Variants in ABHD12 observed in about 807,000 individuals in gnomAD.
The protein encoded by ABHD12 is abhydrolase domain containing 12, lysophospholipase.
ABHD12 carries 43 observed loss-of-function variants against 58.3 expected under a neutral mutation model. The observed-to-expected ratio is 0.74, with a 90% CI of 0.58 to 0.95. The LOEUF (loss-of-function observed/expected upper bound fraction) is 0.95. Among genes scored for constraint, ABHD12 ranks in the 40% least tolerant of loss-of-function variants. The probability of loss-of-function intolerance (pLI) is 0.00; values close to 1 mark genes in which losing one functional copy is unlikely to be tolerated. For missense variants in ABHD12, 539 were observed against 537.2 expected (o/e 1.00, Z -0.03); for synonymous variants, 219 against 211.2 (o/e 1.04, Z -0.32).
At chr20:25,312,716 T>A (rs1347960788) in intron 6 of ABHD12, among the ~76,000 whole-genome samples, 1 of 123,446 alleles carries the variant, frequency 8.1e-6, no homozygotes, top group Non-Finnish European at 1.7e-5. Context: ...CCGGCCGCCA[T>A]CCCATCTAGG....
intron 2 of ABHD12, among the ~76,000 whole-genome samples, chr20:25,329,955 A>C (rs958694959): frequency 2.6e-5 from 4 of 152,336 alleles, no homozygotes; most frequent in South Asian, 2.1e-4. Context: ...GTGTTGAGGG[A>C]GGAGCCAAGA....
chr20:25,328,197 A>G lies in ABHD12; in HGVS notation c.317-4767T>C, dbSNP rs183186403. The stretch of plus-strand genomic sequence containing the variant: ...GGCTCCCGACCAGAGGAATGCCTGG[A>G]AAGTGGGTCCACTTCAGGATCTGGA... On this transcript the variant is annotated intron_variant, in intron 2 of 12. Coordinates refer to ENST00000339157, the MANE Select transcript of ABHD12 (RefSeq NM_001042472.3). Among the ~76,000 whole-genome samples the G allele has an allele frequency of 6.5e-3, 988 of 152,234 alleles. 7 individuals are homozygous for G. The highest frequency in any genetic ancestry group is 0.011 in the Non-Finnish European group (780 of 68,026).
rs1033995755 is a variant in ABHD12, at chr20:25,390,658, C to T, written c.46G>A (p.Ala16Thr). Residue 16 changes from alanine (A) to threonine (T), a missense_variant, in exon 1 of 13, where the codon GCC becomes ACC. Coordinates refer to ENST00000339157, the MANE Select transcript of ABHD12 (RefSeq NM_001042472.3). ...EPVALEHERC[A>T]AAGSSSSGSA... Reference sequence around the variant, plus strand: ...CCGGAGGAGGACGAGCCCGCGGCGGCGCAGCGCTCATGCTCCAAGGCGACG... The same window carrying T: ...CCGGAGGAGGACGAGCCCGCGGCGGTGCAGCGCTCATGCTCCAAGGCGACG... 1 of 1,440,410 alleles carries T rather than the reference C, an allele frequency of 6.9e-7. No individual in the cohort carries two copies. Among genetic ancestry groups the T allele is most frequent in the Non-Finnish European group, 9.1e-7 (1 of 1,100,608 alleles). 89.2% of individuals were successfully genotyped at this position (1,440,410 alleles called of 1,614,324 possible).
Position 25,339,320 on chromosome 20 carries a change from T to A in ABHD12, c.223A>T (p.Ile75Leu). 1.2e-6 allele frequency: 2 copies of A among 1,614,138 alleles called. No individual in the cohort carries two copies. The highest frequency in any genetic ancestry group is 1.7e-6 in the Non-Finnish European group (2 of 1,180,036). The stretch of plus-strand genomic sequence containing the variant: ...TACAACCCCAAAACACAGAAAAGTA[T>A]CTTCCTCAGGCGCAACCACACGCCC... ...RKGVWLRLRKILFCVLGLYIA... is the reference protein window; with the variant it reads ...RKGVWLRLRKLLFCVLGLYIA... Residue 75 changes from isoleucine to leucine, a missense_variant, in exon 2 of 13, where the codon ATA (isoleucine) becomes TTA (leucine). Coordinates refer to ENST00000339157, the MANE Select transcript of ABHD12 (RefSeq NM_001042472.3).
chr20:25,388,521 G>C (rs954531467), intron 1 of ABHD12, among the ~76,000 whole-genome samples: 1 of 152,184 alleles, frequency 6.6e-6, no homozygotes, highest in African/African-American at 2.4e-5. Flanking sequence ...GCCTGAGCGA[G>C]GAAGAGAAGA....
At chr20:25,343,948 T>C (rs1234811017) in intron 1 of ABHD12, among the ~76,000 whole-genome samples, 1 of 152,182 alleles carries the variant, frequency 6.6e-6, no homozygotes, top group East Asian at 1.9e-4. Context: ...GTCCCAGGTA[T>C]GCAAGGCTAG....
In ABHD12 at chr20:25,339,171, A is replaced by G; in HGVS notation, c.316+56T>C. ...AAGACTACCCCTAAAATCAGACATCACCATGAAAATGAACCCTTACTAAAA... is the reference window on the plus strand; with the variant it reads ...AAGACTACCCCTAAAATCAGACATCGCCATGAAAATGAACCCTTACTAAAA... On this transcript the variant is annotated intron_variant, in intron 2 of 12. Coordinates refer to ENST00000339157, the MANE Select transcript of ABHD12 (RefSeq NM_001042472.3). The G allele has an allele frequency of 1.9e-6, 3 of 1,607,988 alleles. No individual in the cohort carries two copies. The Admixed American group carries it at 5.0e-5, about 27-fold the overall frequency.
intron 6 of ABHD12, among the ~76,000 whole-genome samples, chr20:25,314,480 C>T (rs2088922801): frequency 6.6e-6 from 1 of 152,012 alleles, no homozygotes; most frequent in Non-Finnish European, 1.5e-5. Flanking sequence ...GAGTCTGAGA[C>T]TAGCCTAGGC....
downstream of ABHD12, chr20:25,295,763 T>C (rs1180012531): frequency 7.1e-7 from 1 of 1,408,900 alleles, no homozygotes; most frequent in Non-Finnish European, 1.0e-6. Flanking sequence ...GCTGAGTAGA[T>C]TCTTGGCCTG....
chr20:25,368,356 A>G lies in ABHD12; in HGVS notation c.191+22157T>C, dbSNP rs2089852472. On this transcript the variant is annotated intron_variant, in intron 1 of 12. Transcript: ENST00000339157. ...AACCACAGCGCTCCATGGCCTCCACAATATTCTTGCCTTCTTTCGCCTTGC... is the reference window on the plus strand; with the variant it reads ...AACCACAGCGCTCCATGGCCTCCACGATATTCTTGCCTTCTTTCGCCTTGC... 5 of 1,558,866 alleles carry G rather than the reference A, an allele frequency of 3.2e-6. No individual in the cohort carries two copies. In the Admixed American group the frequency reaches 5.0e-5, roughly 16 times the overall value.
chr20:25,370,716 C>T (rs530416569), intron 1 of ABHD12, among the ~76,000 whole-genome samples: 2 of 152,074 alleles, frequency 1.3e-5, no homozygotes, highest in Non-Finnish European at 2.9e-5. Flanking sequence ...GTGAAGAGGG[C>T]GACCCACCAA....
intron 1 of ABHD12, among the ~76,000 whole-genome samples, chr20:25,350,990 CACACACACACACACACA>C (rs2089592282): frequency 6.8e-6 from 1 of 147,526 alleles, no homozygotes; most frequent in Non-Finnish European, 1.5e-5. Flanking sequence ...CACACACACA[CACACACACACACACACA>C]CACCCTTATT....
At chr20:25,296,069 C>T (rs563719732), downstream of ABHD12, among the ~76,000 whole-genome samples, 4 of 152,290 alleles carry the variant, frequency 2.6e-5, no homozygotes, top group East Asian at 5.8e-4. Flanking sequence ...CTGGATCTGC[C>T]TGGGCAGTTC....
intron 1 of ABHD12, among the ~76,000 whole-genome samples, chr20:25,386,773 C>A (rs539204120): frequency 4.0e-5 from 6 of 151,780 alleles, no homozygotes; most frequent in African/African-American, 1.4e-4. Context: ...CCCAGCTACC[C>A]GGGAGGCTGA....
intron 1 of ABHD12, among the ~76,000 whole-genome samples, chr20:25,389,228 A>T (rs2090136875): frequency 6.6e-6 from 1 of 152,268 alleles, no homozygotes; most frequent in Admixed American, 6.5e-5. Context: ...CATAGCAAAG[A>T]GAACAGATTA....
intron 1 of ABHD12, among the ~76,000 whole-genome samples, chr20:25,388,788 T>C (rs1316993161): frequency 1.4e-3 from 49 of 35,288 alleles, no homozygotes; most frequent in Middle Eastern, 0.029. Flanking sequence ...TGATTTTTTC[T>C]TTTTTTTTTT....
At chr20:25,308,538 G>A in intron 7 of ABHD12, 44 bp from the exon 8 acceptor site, 2 of 1,582,192 alleles carry the variant, frequency 1.3e-6, no homozygotes, top group Non-Finnish European at 1.7e-6. Context: ...TGATAAAATT[G>A]TTTGAGATGA....
In ABHD12 at chr20:25,368,211, G is replaced by C; in HGVS notation, c.191+22302C>G. 3 of 1,263,768 alleles carry C rather than the reference G, an allele frequency of 2.4e-6. No homozygotes were observed. The Admixed American group carries it at 5.2e-5, about 22-fold the overall frequency. The allele number at this position is 1,263,768 out of a possible 1,614,324, so 78.3% of individuals were successfully genotyped here. The stretch of plus-strand genomic sequence containing the variant: ...GATACTGAGAGCAAATGGGGTGGAG[G>C]GGTGCTCTCCTGAGCTACAGAAGGA... On this transcript the variant is annotated intron_variant, in intron 1 of 12. Coordinates refer to ENST00000339157, the MANE Select transcript of ABHD12 (RefSeq NM_001042472.3).
intron 1 of ABHD12, among the ~76,000 whole-genome samples, chr20:25,365,658 C>CCTCA (rs1213289373): frequency 1.5e-4 from 23 of 152,190 alleles, no homozygotes; most frequent in Admixed American, 1.2e-3. Context: ...TCCTTGCTTC[C>CCTCA]CTCAGCCCTC....
Sources: allele counts gnomAD v4.1 joint callset (sites outside exome capture counted in the v4.1 genomes callset), GRCh38; gene constraint gnomAD v4.1.1; transcripts MANE v1.5; gene names NCBI Gene and HGNC (gene_info 2026-07-23, HGNC 2026-07-21).